Variants in FOXP1 observed in about 807,000 individuals in gnomAD.
FOXP1 encodes forkhead box P1.
In FOXP1, 15 loss-of-function variants were observed where a neutral mutation model predicts 98.2. That is an observed-to-expected ratio of 0.15 (90% CI 0.10 to 0.24). The LOEUF (loss-of-function observed/expected upper bound fraction) is 0.24, where lower values mean the gene tolerates loss of function less well. Ranked by LOEUF, FOXP1 falls within the 10% of genes least tolerant of loss-of-function variation. The pLI is 1.00. For missense variants in FOXP1, 633 were observed against 848.5 expected, an observed-to-expected ratio of 0.75 and a Z score of 3.15; for synonymous variants, 371 against 314.5, an observed-to-expected ratio of 1.18 and a Z score of -1.90.
At chr3:71,481,176 G>A (rs1386436358) in intron 3 of FOXP1, among the ~76,000 whole-genome samples, 1 of 152,186 alleles carries the variant, frequency 6.6e-6, no homozygotes, top group African/African-American at 2.4e-5. Flanking sequence ...ACAGCTGGCT[G>A]TAATTTACAA....
chr3:71,550,519 T>C (rs556010215), intron 2 of FOXP1, among the ~76,000 whole-genome samples: 1 of 152,328 alleles, frequency 6.6e-6, no homozygotes, highest in South Asian at 2.1e-4. Flanking sequence ...CTATTGAATA[T>C]ATTTTTAAAC....
chr3:71,024,573 ATCCTTGACTC>A (rs1192922802), intron 11 of FOXP1, among the ~76,000 whole-genome samples: 10 of 152,172 alleles, frequency 6.6e-5, no homozygotes, highest in Non-Finnish European at 2.9e-5. Flanking sequence ...CACGCAGGGA[ATCCTTGACTC>A]TCCTTCCCCA....
chr3:71,235,856 G>A (rs180842844), intron 5 of FOXP1, among the ~76,000 whole-genome samples: 8 of 152,182 alleles, frequency 5.3e-5, no homozygotes, highest in South Asian at 2.1e-4. Flanking sequence ...GTGGGCCACC[G>A]CACCCGGCTA....
At chr3:71,079,473 A>G (rs1215213252) in intron 7 of FOXP1, among the ~76,000 whole-genome samples, 1 of 152,148 alleles carries the variant, frequency 6.6e-6, no homozygotes, top group East Asian at 1.9e-4. Flanking sequence ...ATCTCAGCAT[A>G]TTAACTCTTC....
Position 71,118,377 on chromosome 3 carries a change from C to T in FOXP1, c.181-5740G>A, listed in dbSNP as rs569056980. ...AGATCATAGCAGGTGCTTATAGGGGCTAGGTAATTCTATGTTTAGCATGTT... is the reference window on the plus strand; with the variant it reads ...AGATCATAGCAGGTGCTTATAGGGGTTAGGTAATTCTATGTTTAGCATGTT... On this transcript the variant is annotated intron_variant, in intron 6 of 20. Transcript: ENST00000649528. 4.6e-5 allele frequency among the ~76,000 whole-genome samples: 7 copies of T among 152,232 alleles called. 2 individuals carry two copies. Among genetic ancestry groups the T allele is most frequent in the African/African-American group, 1.7e-4 (7 of 41,534 alleles).
chr3:71,113,765 C>A (rs376087299), intron 6 of FOXP1, among the ~76,000 whole-genome samples: 84 of 22,358 alleles, frequency 3.8e-3, no homozygotes, highest in Middle Eastern at 0.038. Flanking sequence ...AATAAAAGGT[C>A]AAGTAAAAAA....
chr3:71,482,557 T>C (rs11715828), intron 3 of FOXP1, among the ~76,000 whole-genome samples: 64,531 of 151,356 alleles, frequency 0.43, 14,557 homozygotes, highest in Non-Finnish European at 0.48. Context: ...TGCGCCACCA[T>C]GCCCAGCTGA....
intron 5 of FOXP1, among the ~76,000 whole-genome samples, chr3:71,280,529 G>C (rs948375917): frequency 1.3e-5 from 2 of 151,898 alleles, no homozygotes; most frequent in Admixed American, 6.6e-5. Flanking sequence ...TCACCATGTT[G>C]GACAGGCTCG....
At chr3:71,135,452 A>C (rs1293646648) in intron 6 of FOXP1, among the ~76,000 whole-genome samples, 1 of 151,966 alleles carries the variant, frequency 6.6e-6, no homozygotes, top group Non-Finnish European at 1.5e-5. Flanking sequence ...CTACTCCCAA[A>C]ATAGTTCCCC....
At chr3:71,088,302 A>G (rs1054110467) in intron 7 of FOXP1, among the ~76,000 whole-genome samples, 85 of 152,038 alleles carry the variant, frequency 5.6e-4, no homozygotes, top group Non-Finnish European at 7.4e-5. Context: ...CCAGTCAAAC[A>G]TGGGACTGTC....
chr3:71,128,388 T>C (rs903915235), intron 6 of FOXP1, among the ~76,000 whole-genome samples: 3 of 152,116 alleles, frequency 2.0e-5, no homozygotes, highest in African/African-American at 4.8e-5. Context: ...AGGAATCAAT[T>C]TGAGATAATG....
chr3:71,029,155 T>C (rs779032159), intron 11 of FOXP1, among the ~76,000 whole-genome samples: 2 of 152,212 alleles, frequency 1.3e-5, no homozygotes, highest in African/African-American at 4.8e-5. Context: ...GTACTCTTAA[T>C]GGGTTCTTGA....
chr3:71,341,904 G>C (rs961882992), intron 4 of FOXP1, among the ~76,000 whole-genome samples: 1 of 152,182 alleles, frequency 6.6e-6, no homozygotes, highest in African/African-American at 2.4e-5. Context: ...TTTATCCATG[G>C]AAGCTTGTGG....
intron 7 of FOXP1, among the ~76,000 whole-genome samples, chr3:71,088,494 G>A (rs892780806): frequency 6.6e-6 from 1 of 151,768 alleles, no homozygotes; most frequent in Non-Finnish European, 1.5e-5. Flanking sequence ...CTCACTCTAG[G>A]TGTCTAGGTC....
intron 3 of FOXP1, among the ~76,000 whole-genome samples, chr3:71,427,737 G>T (rs551482237): frequency 1.3e-5 from 2 of 152,284 alleles, no homozygotes; most frequent in South Asian, 2.1e-4. Flanking sequence ...GAACATGAGG[G>T]GTGAGGGGTC....
At chr3:70,979,883 A>G (rs773456903) in intron 14 of FOXP1, among the ~76,000 whole-genome samples, 5 of 152,208 alleles carry the variant, frequency 3.3e-5, no homozygotes, top group African/African-American at 4.8e-5. Flanking sequence ...ATCAAATATC[A>G]TGAAGAAATA....
chr3:71,540,165 G>A (rs746661839), intron 2 of FOXP1, among the ~76,000 whole-genome samples: 25 of 152,222 alleles, frequency 1.6e-4, no homozygotes, highest in Non-Finnish European at 3.4e-4. Context: ...CACAAGTTTG[G>A]TGAGGGCCCC....
chr3:71,403,829 C>G (rs1382459787), intron 3 of FOXP1, among the ~76,000 whole-genome samples: 5 of 152,118 alleles, frequency 3.3e-5, no homozygotes, highest in Admixed American at 2.0e-4. Flanking sequence ...CCAGCCTGTG[C>G]AACAGAGCAA....
chr3:71,173,055 C>T (rs1469035016), intron 6 of FOXP1, among the ~76,000 whole-genome samples: 2 of 152,140 alleles, frequency 1.3e-5, no homozygotes, highest in African/African-American at 4.8e-5. Flanking sequence ...AAACCTCTAT[C>T]AACATTCTCA....
Sources: gnomAD v4.1 joint callset for allele counts (sites outside exome capture counted in the v4.1 genomes callset) on GRCh38, gnomAD v4.1.1 for gene constraint, MANE v1.5 for transcripts, NCBI Gene and HGNC (gene_info 2026-07-23, HGNC 2026-07-21) for gene names.